Variants in SOX5 observed in about 807,000 individuals in gnomAD.
SOX5 encodes transcription factor SOX-5.
A neutral mutation model predicts 92.0 loss-of-function variants in SOX5; 9 were observed. The ratio of observed to expected loss-of-function variants is 0.10; its 90% confidence interval spans 0.06 to 0.17. SOX5 has a LOEUF of 0.17. SOX5 is among the 10% of genes least tolerant of loss of function. The pLI, the probability that SOX5 is intolerant of heterozygous loss-of-function variation, is 1.00. For missense variants in SOX5, 642 were observed against 944.5 expected, an observed-to-expected ratio of 0.68 and a Z score of 4.20; for synonymous variants, 344 against 336.3, an observed-to-expected ratio of 1.02 and a Z score of -0.25.
upstream of SOX5, among the ~76,000 whole-genome samples, chr12:23,953,251 T>G (rs1945885376): frequency 6.6e-6 from 1 of 152,216 alleles, no homozygotes; most frequent in South Asian, 2.1e-4. Context: ...ATCAAAATGA[T>G]CCAATCAATA....
At chr12:24,412,783 T>TC (rs201920607) in intron 1 of SOX5, among the ~76,000 whole-genome samples, 5,150 of 149,002 alleles carry the variant, frequency 0.035, 131 homozygotes, top group Admixed American at 0.059. Context: ...AGATTTTCTT[T>TC]TTTTTTTTTT....
At chr12:23,842,732 T>C (rs2096533140) in intron 3 of SOX5, among the ~76,000 whole-genome samples, 1 of 152,132 alleles carries the variant, frequency 6.6e-6, no homozygotes, top group Non-Finnish European at 1.5e-5. Flanking sequence ...ATAAAATAAA[T>C]ATTCGTGAAT....
At chr12:23,891,069 G>T (rs995463826) in intron 2 of SOX5, among the ~76,000 whole-genome samples, 3 of 152,132 alleles carry the variant, frequency 2.0e-5, no homozygotes, top group African/African-American at 7.2e-5. Flanking sequence ...GTCTTACATT[G>T]ATTAGAAATC....
chr12:24,525,449 C>CT (rs575978919), intron 1 of SOX5, among the ~76,000 whole-genome samples: 368 of 152,312 alleles, frequency 2.4e-3, no homozygotes, highest in African/African-American at 8.3e-3. Context: ...GCTCCAGAGA[C>CT]TTGCTGCAGA....
At chr12:23,587,731 T>C (rs1366194672) in intron 9 of SOX5, among the ~76,000 whole-genome samples, 1 of 152,128 alleles carries the variant, frequency 6.6e-6, no homozygotes, top group Non-Finnish European at 1.5e-5. Context: ...TCCTTAACAC[T>C]ATTATTTATA....
At chr12:24,389,240 A>C (rs1337502132) in intron 1 of SOX5, among the ~76,000 whole-genome samples, 1 of 152,118 alleles carries the variant, frequency 6.6e-6, no homozygotes, top group African/African-American at 2.4e-5. Flanking sequence ...GTTTACTGAG[A>C]ATGATGATTT....
chr12:23,917,404 A>G (rs2097428401), intron 1 of SOX5, among the ~76,000 whole-genome samples: 1 of 151,782 alleles, frequency 6.6e-6, no homozygotes, highest in Non-Finnish European at 1.5e-5. Flanking sequence ...AAAACAAAAA[A>G]TGGATAGGCC....
At chr12:23,698,625 T>C (rs2090207756) in intron 6 of SOX5, among the ~76,000 whole-genome samples, 1 of 152,214 alleles carries the variant, frequency 6.6e-6, no homozygotes, top group Non-Finnish European at 1.5e-5. Context: ...CTAACATCTA[T>C]GCCACTTTTG....
intron 4 of SOX5, among the ~76,000 whole-genome samples, chr12:24,127,467 A>T (rs1188201090): frequency 6.6e-6 from 1 of 151,874 alleles, no homozygotes; most frequent in East Asian, 1.9e-4. Context: ...TATCTTATTA[A>T]TGCTATCAGG....
intron 4 of SOX5, among the ~76,000 whole-genome samples, chr12:24,000,970 G>A (rs1442111540): frequency 6.6e-6 from 1 of 152,062 alleles, no homozygotes; most frequent in Non-Finnish European, 1.5e-5. Flanking sequence ...GCTTCTTCCA[G>A]CAGAATACAT....
At chr12:24,468,214 T>C in intron 1 of SOX5, among the ~76,000 whole-genome samples, 1 of 152,200 alleles carries the variant, frequency 6.6e-6, no homozygotes, top group Admixed American at 6.5e-5. Context: ...GATTTCAGCA[T>C]GGGCTCCATG....
chr12:24,264,088 A>G (rs1396342760), intron 3 of SOX5, among the ~76,000 whole-genome samples: 4 of 152,330 alleles, frequency 2.6e-5, no homozygotes, highest in African/African-American at 9.6e-5. Context: ...TTACTTTTAA[A>G]TAACAATACT....
intron 2 of SOX5, among the ~76,000 whole-genome samples, chr12:23,887,908 AGTGTGTATATGTGTGTGTGTGTGT>A (rs951736952): frequency 3.8e-5 from 4 of 105,868 alleles, no homozygotes; most frequent in Admixed American, 1.9e-4. Flanking sequence ...TAATTGGTCC[AGTGTGTATATGTGTGTGTGTGTGT>A]GTGTGTGTGT....
intron 4 of SOX5, among the ~76,000 whole-genome samples, chr12:24,023,316 CA>C (rs1954524463): frequency 6.6e-6 from 1 of 152,034 alleles, no homozygotes; most frequent in Admixed American, 6.6e-5. Flanking sequence ...TTTCCTTTCC[CA>C]AAACCAGTAT....
At chr12:23,810,923 T>C (rs778617212) in intron 3 of SOX5, among the ~76,000 whole-genome samples, 2 of 152,176 alleles carry the variant, frequency 1.3e-5, no homozygotes, top group East Asian at 1.9e-4. Flanking sequence ...TTCCCCTCTC[T>C]TCTTATCTTT....
chr12:24,173,401 C>T, intron 4 of SOX5, among the ~76,000 whole-genome samples: 1 of 152,116 alleles, frequency 6.6e-6, no homozygotes, highest in East Asian at 1.9e-4. Flanking sequence ...TTCCAGCTAT[C>T]TGCTGGTCTC....
intron 9 of SOX5, among the ~76,000 whole-genome samples, chr12:23,580,955 C>T (rs1175001990): frequency 6.6e-6 from 1 of 151,988 alleles, no homozygotes; most frequent in Non-Finnish European, 1.5e-5. Flanking sequence ...ACTTTACAAA[C>T]ACTATAAAAT....
chr12:23,847,694 G>A (rs754814742), intron 2 of SOX5, among the ~76,000 whole-genome samples: 3 of 151,920 alleles, frequency 2.0e-5, no homozygotes, highest in Non-Finnish European at 4.4e-5. Flanking sequence ...GTGCACAACA[G>A]AATCTTCCAA....
intron 4 of SOX5, among the ~76,000 whole-genome samples, chr12:24,153,543 G>T (rs1951864953): frequency 6.6e-6 from 1 of 152,066 alleles, no homozygotes; most frequent in African/African-American, 2.4e-5. Context: ...ACTTATCCTA[G>T]CCATGACCTA....
Sources: allele counts gnomAD v4.1 joint callset (sites outside exome capture counted in the v4.1 genomes callset), GRCh38; gene constraint gnomAD v4.1.1; transcripts MANE v1.5; gene names NCBI Gene and HGNC (gene_info 2026-07-23, HGNC 2026-07-21).